The following LRRC49 variants were observed in gnomAD, a reference collection of about 807,000 sequenced individuals.
The protein encoded by LRRC49 is leucine rich repeat containing 49.
Under a neutral mutation model 83.3 loss-of-function variants are expected in LRRC49, and 50 were observed. That is an observed-to-expected ratio of 0.60 (90% CI 0.48 to 0.76). The LOEUF is 0.76. Ranked by LOEUF, LRRC49 falls within the 30% of genes least tolerant of loss-of-function variation. The probability of loss-of-function intolerance (pLI) is 0.00; values close to 1 mark genes in which losing one functional copy is unlikely to be tolerated. For missense variants in LRRC49, 704 were observed against 809.1 expected (o/e 0.87, Z 1.58); for synonymous variants, 286 against 283.3 (o/e 1.01, Z -0.10).
intron 11 of LRRC49, among the ~76,000 whole-genome samples, chr15:70,993,836 C>T (rs540396802): frequency 5.7e-4 from 86 of 151,848 alleles, no homozygotes; most frequent in East Asian, 5.8e-4. Flanking sequence ...TCCTTCAATC[C>T]GTCAAATTTT....
intron 9 of LRRC49, among the ~76,000 whole-genome samples, chr15:70,977,822 T>C (rs149610864): frequency 1.3e-3 from 192 of 152,182 alleles, no homozygotes; most frequent in African/African-American, 4.2e-3. Context: ...TTAATTTAAA[T>C]ACATCTTTAT....
intron 9 of LRRC49, among the ~76,000 whole-genome samples, chr15:70,975,734 A>C (rs2037182299): frequency 6.6e-6 from 1 of 151,982 alleles, no homozygotes; most frequent in Non-Finnish European, 1.5e-5. Context: ...ACAATGTCTA[A>C]AGTTTTCACC....
In LRRC49 at chr15:71,008,637, G is replaced by A. The variant is rs928208434; in HGVS notation, c.1407+21G>A. ...CTCTGGTAAATATTTCCTTTTAGTAGTATATTTGAATATTCTTAGTCAATG... is the reference window on the plus strand; with the variant it reads ...CTCTGGTAAATATTTCCTTTTAGTAATATATTTGAATATTCTTAGTCAATG... On this transcript the variant is annotated intron_variant, in intron 12 of 15. Coordinates refer to ENST00000260382, the MANE Select transcript of LRRC49 (RefSeq NM_017691.5). The A allele has an allele frequency of 3.2e-5, 50 of 1,544,788 alleles. 1 individual carries two copies. The highest frequency in any genetic ancestry group is 4.1e-5 in the Non-Finnish European group (46 of 1,119,190).
chr15:70,932,193 C>T (rs2035433059), intron 7 of LRRC49, among the ~76,000 whole-genome samples: 1 of 152,090 alleles, frequency 6.6e-6, no homozygotes, highest in Non-Finnish European at 1.5e-5. Flanking sequence ...ACCAGATAAA[C>T]CCATTAATGC....
intron 1 of LRRC49, among the ~76,000 whole-genome samples, chr15:70,857,224 T>C (rs1269331688): frequency 6.6e-6 from 1 of 152,222 alleles, no homozygotes; most frequent in Non-Finnish European, 1.5e-5. Context: ...CTAGAAGACC[T>C]TTCCAGTATA....
intron 1 of LRRC49, among the ~76,000 whole-genome samples, chr15:70,867,078 C>T (rs1460993592): frequency 4.7e-5 from 7 of 150,444 alleles, no homozygotes; most frequent in Non-Finnish European, 5.9e-5. Flanking sequence ...TTGCCCAAGG[C>T]TATCAAGGTC....
intron 9 of LRRC49, among the ~76,000 whole-genome samples, chr15:70,971,192 T>C (rs1434774556): frequency 6.6e-6 from 1 of 152,204 alleles, no homozygotes; most frequent in African/African-American, 2.4e-5. Context: ...TTTTTTCTCA[T>C]TGGTTTCAAA....
chr15:70,968,636 C>T (rs777277262), intron 9 of LRRC49, among the ~76,000 whole-genome samples: 38 of 152,262 alleles, frequency 2.5e-4, no homozygotes, highest in Non-Finnish European at 2.8e-4. Flanking sequence ...ACATTCTCTC[C>T]GGCATCTGTT....
At chr15:70,860,580 T>C (rs1298738824) in intron 1 of LRRC49, among the ~76,000 whole-genome samples, 1 of 152,034 alleles carries the variant, frequency 6.6e-6, no homozygotes. Flanking sequence ...ACCTGGCCAG[T>C]TTAAGTTTTT....
At chr15:71,048,632 C>T in intron 15 of LRRC49, 2 of 378,328 alleles carry the variant, frequency 5.3e-6, no homozygotes, top group Non-Finnish European at 5.2e-6. Flanking sequence ...TGATACTATT[C>T]AGAAGTATCA....
intron 7 of LRRC49, among the ~76,000 whole-genome samples, chr15:70,922,842 A>T (rs2035057164): frequency 6.6e-6 from 1 of 152,092 alleles, no homozygotes; most frequent in Admixed American, 6.6e-5. Context: ...ATTTTAAAGC[A>T]AAAAATTAAT....
chr15:70,957,856 G>C (rs1246284062), intron 8 of LRRC49, among the ~76,000 whole-genome samples: 1 of 152,040 alleles, frequency 6.6e-6, no homozygotes, highest in Non-Finnish European at 1.5e-5. Context: ...TCCAGGAAAA[G>C]GAGACTTGAT....
At chr15:70,966,678 A>G (rs1276306518) in intron 9 of LRRC49, among the ~76,000 whole-genome samples, 1 of 152,160 alleles carries the variant, frequency 6.6e-6, no homozygotes, top group Non-Finnish European at 1.5e-5. Context: ...ATACTTATTA[A>G]ATTGTTTGGA....
upstream of LRRC49, chr15:70,892,644 GCT>G (rs1799863452): frequency 2.8e-6 from 4 of 1,446,214 alleles, no homozygotes; most frequent in African/African-American, 1.4e-5. Flanking sequence ...CAATACTCCC[GCT>G]CTGTTTTTAT....
intron 11 of LRRC49, among the ~76,000 whole-genome samples, chr15:70,984,729 T>C (rs2037535306): frequency 6.6e-6 from 1 of 151,066 alleles, no homozygotes; most frequent in Non-Finnish European, 1.5e-5. Flanking sequence ...GCTGCACCAA[T>C]TAACTCGTCA....
intron 7 of LRRC49, among the ~76,000 whole-genome samples, chr15:70,924,908 A>C (rs2035140744): frequency 6.6e-6 from 1 of 151,968 alleles, no homozygotes; most frequent in South Asian, 2.1e-4. Context: ...ATTGTCATTA[A>C]AATGTCTACT....
rs1249268056 is a variant in LRRC49 at position 70,904,686 on chromosome 15, A to C, written c.431A>C (p.Asn144Thr). ...QKLISLDLYD[N>T]QIEEISGLST... ...TTAATATCGTTGGATTTATATGATA[A>C]CCAGATTGAAGAAATTAGTGGGCTT... is the stretch of plus-strand genomic sequence containing the variant. The change falls in exon 5 of 16, where the codon AAC becomes ACC. Residue 144 changes from asparagine to threonine, a missense_variant. Around this residue, in one of 3 missense-constraint regions of LRRC49, gnomAD observed 261 missense variants for 330.5 expected, o/e 0.79. Coordinates refer to ENST00000260382, the MANE Select transcript of LRRC49 (RefSeq NM_017691.5). The C allele has an allele frequency of 6.2e-7, 1 of 1,613,510 alleles. No individual in the cohort carries two copies. The highest frequency in any genetic ancestry group is 1.3e-5 in the African/African-American group (1 of 74,902).
chr15:71,037,062 C>T, intron 14 of LRRC49, 117 bp from the exon 15 acceptor site: 2 of 658,340 alleles, frequency 3.0e-6, no homozygotes, highest in South Asian at 2.4e-5. Context: ...TAAACTCAAA[C>T]TCATTAAAAT....
At chr15:70,860,015 C>T (rs1442334734) in intron 1 of LRRC49, 1 of 749,320 alleles carries the variant, frequency 1.3e-6, no homozygotes, top group East Asian at 2.4e-5. Context: ...AAGCCCCGGC[C>T]TCAGCTACAG....
Sources: allele counts gnomAD v4.1 joint callset (sites outside exome capture counted in the v4.1 genomes callset), GRCh38; gene constraint gnomAD v4.1.1; regional missense constraint gnomAD v4.1.1; transcripts MANE v1.5; gene names NCBI Gene and HGNC (gene_info 2026-07-23, HGNC 2026-07-21).